The following IKZF1 variants were observed in gnomAD, a reference collection of about 807,000 sequenced individuals.
IKZF1 encodes DNA-binding protein Ikaros.
Under a neutral mutation model 51.7 loss-of-function variants are expected in IKZF1, and 10 were observed. That is an observed-to-expected ratio of 0.19 (90% CI 0.12 to 0.33). The LOEUF (loss-of-function observed/expected upper bound fraction) is 0.33. Ranked by LOEUF, IKZF1 falls within the 10% of genes least tolerant of loss-of-function variation. The pLI, the probability that IKZF1 is intolerant of heterozygous loss-of-function variation, is 1.00. For synonymous variants in IKZF1, 280 were observed against 282.3 expected (o/e 0.99, Z 0.08); for missense variants, 484 against 707.5 (o/e 0.68, Z 3.58).
chr7:50,393,121 G>A (rs779456733), intron 7 of IKZF1, among the ~76,000 whole-genome samples: 1 of 152,188 alleles, frequency 6.6e-6, no homozygotes, highest in Non-Finnish European at 1.5e-5. Flanking sequence ...GACTGTGGAG[G>A]CAGTGGCAGC....
At chr7:50,372,913 A>G (rs1438505092) in intron 3 of IKZF1, among the ~76,000 whole-genome samples, 1 of 152,206 alleles carries the variant, frequency 6.6e-6, no homozygotes, top group African/African-American at 2.4e-5. Context: ...GCTCTTGTCC[A>G]TTATGTCTCA....
intron 3 of IKZF1, among the ~76,000 whole-genome samples, chr7:50,365,043 A>G (rs539003282): frequency 6.6e-6 from 1 of 152,216 alleles, no homozygotes; most frequent in African/African-American, 2.4e-5. Flanking sequence ...GTGTCCCTGT[A>G]TGTGCAGCTG....
intron 3 of IKZF1, among the ~76,000 whole-genome samples, chr7:50,354,224 A>G (rs1039518456): frequency 2.0e-5 from 3 of 152,184 alleles, no homozygotes; most frequent in Admixed American, 2.0e-4. Context: ...TGGTTCATGA[A>G]CGGTGATCCT....
intron 1 of IKZF1, among the ~76,000 whole-genome samples, chr7:50,314,172 A>G (rs530599126): frequency 6.6e-6 from 1 of 151,970 alleles, no homozygotes. Flanking sequence ...GTGCAGTGGC[A>G]CAATCTCAGC....
chr7:50,391,527 G>A (rs1346167900), intron 6 of IKZF1, among the ~76,000 whole-genome samples: 2 of 152,238 alleles, frequency 1.3e-5, no homozygotes, highest in African/African-American at 4.8e-5. Flanking sequence ...GTTGGAGGAA[G>A]AAGCATTTGC....
At chr7:50,385,280 T>C (rs1221668986) in intron 5 of IKZF1, among the ~76,000 whole-genome samples, 1 of 152,072 alleles carries the variant, frequency 6.6e-6, no homozygotes, top group Non-Finnish European at 1.5e-5. Context: ...AATAAGGACT[T>C]TGGCCTTGCT....
chr7:50,330,589 C>T (rs1182888978), intron 3 of IKZF1, among the ~76,000 whole-genome samples: 1 of 152,168 alleles, frequency 6.6e-6, no homozygotes. Context: ...AGACCACCCT[C>T]CATGGTTCTG....
In IKZF1 at chr7:50,403,463, A is replaced by C. The variant is rs895343085; in HGVS notation, c.*2836A>C. On this transcript the variant is annotated 3_prime_UTR_variant, in exon 8 of 8. Coordinates refer to ENST00000331340, the MANE Select transcript of IKZF1 (RefSeq NM_006060.6). ...TAAATATTGGAGACCGGAGGGTAAC[A>C]GGTTGGCCTGTTGATTACAGCTAGT... 1 of 227,310 alleles carries C rather than the reference A, an allele frequency of 4.4e-6. No individual in the cohort carries two copies. Among genetic ancestry groups the C allele is most frequent in the African/African-American group, 2.2e-5 (1 of 44,968 alleles). 14.1% of individuals were successfully genotyped at this position (227,310 alleles called of 1,614,324 possible).
At chr7:50,374,878 T>A (rs1809771590) in intron 3 of IKZF1, among the ~76,000 whole-genome samples, 1 of 152,024 alleles carries the variant, frequency 6.6e-6, no homozygotes, top group South Asian at 2.1e-4. Flanking sequence ...CGAGAGGAAC[T>A]CCCTGAATAA....
chr7:50,361,300 C>A (rs1275424401), intron 3 of IKZF1, among the ~76,000 whole-genome samples: 3 of 152,154 alleles, frequency 2.0e-5, no homozygotes, highest in African/African-American at 7.2e-5. Context: ...TCTAGAGGTG[C>A]CATCATAGTG....
intron 2 of IKZF1, 68 bp from the exon 3 acceptor site, chr7:50,327,570 A>G: frequency 6.7e-7 from 1 of 1,502,884 alleles, no homozygotes; most frequent in East Asian, 2.5e-5. Context: ...TCTCAAGCCA[A>G]AAGCCGGGGG....
At chr7:50,375,878 T>A (rs989695551) in intron 3 of IKZF1, among the ~76,000 whole-genome samples, 17 of 152,180 alleles carry the variant, frequency 1.1e-4, no homozygotes, top group Non-Finnish European at 2.2e-4. Context: ...TTTATGTTAT[T>A]TAAGATAAAC....
At chr7:50,344,469 G>A (rs1799849738) in intron 3 of IKZF1, among the ~76,000 whole-genome samples, 1 of 152,126 alleles carries the variant, frequency 6.6e-6, no homozygotes, top group Admixed American at 6.5e-5. Flanking sequence ...TCCACATTTT[G>A]CCTCTCTATT....
intron 3 of IKZF1, among the ~76,000 whole-genome samples, chr7:50,370,176 AAAC>A (rs1808237739): frequency 2.0e-5 from 3 of 152,222 alleles, no homozygotes. Flanking sequence ...TACATGGCCT[AAAC>A]TCACACTAGA....
At chr7:50,331,551 C>T (rs1472512831) in intron 3 of IKZF1, among the ~76,000 whole-genome samples, 1 of 152,166 alleles carries the variant, frequency 6.6e-6, no homozygotes, top group Non-Finnish European at 1.5e-5. Flanking sequence ...TGACCACTGG[C>T]ATCCTTCAGT....
intron 3 of IKZF1, among the ~76,000 whole-genome samples, chr7:50,359,438 G>A (rs927340190): frequency 1.3e-5 from 2 of 152,162 alleles, no homozygotes; most frequent in Non-Finnish European, 2.9e-5. Context: ...GCTGGCAGGC[G>A]GGGGAATGTG....
chr7:50,329,956 C>T (rs1006786518), intron 3 of IKZF1, among the ~76,000 whole-genome samples: 1 of 152,208 alleles, frequency 6.6e-6, no homozygotes, highest in Non-Finnish European at 1.5e-5. Flanking sequence ...GAATAGCACA[C>T]GTGCCTTCAA....
chr7:50,365,984 A>G (rs80127372), intron 3 of IKZF1, among the ~76,000 whole-genome samples: 1 of 152,220 alleles, frequency 6.6e-6, no homozygotes, highest in African/African-American at 2.4e-5. Flanking sequence ...AGGAACATGG[A>G]TGGAGCTGGA....
chr7:50,315,101 C>T (rs921742323), intron 1 of IKZF1, among the ~76,000 whole-genome samples: 2 of 152,246 alleles, frequency 1.3e-5, no homozygotes, highest in African/African-American at 4.8e-5. Flanking sequence ...TTCTGCTCCT[C>T]CTTTGTAAAG....
Sources: gnomAD v4.1 joint callset for allele counts (sites outside exome capture counted in the v4.1 genomes callset) on GRCh38, gnomAD v4.1.1 for gene constraint, MANE v1.5 for transcripts, NCBI Gene and HGNC (gene_info 2026-07-23, HGNC 2026-07-21) for gene names.